The following KDSR variants were observed in gnomAD, a reference collection of about 807,000 sequenced individuals.
KDSR encodes the protein 3-ketodihydrosphingosine reductase, also known as 3-dehydrosphinganine reductase.
KDSR carries 23 observed loss-of-function variants against 41.3 expected under a neutral mutation model. That is an observed-to-expected ratio of 0.56 (90% CI 0.40 to 0.79). The LOEUF (loss-of-function observed/expected upper bound fraction) is 0.79, where lower values mean the gene tolerates loss of function less well. KDSR is among the 30% of genes least tolerant of loss of function. KDSR has a pLI of 0.00. For missense variants in KDSR, 351 were observed against 416.8 expected (o/e 0.84, Z 1.37); for synonymous variants, 138 against 151.7 (o/e 0.91, Z 0.66).
At chr18:63,342,502 A>G (rs865948563) in intron 7 of KDSR, among the ~76,000 whole-genome samples, 1 of 152,240 alleles carries the variant, frequency 6.6e-6, no homozygotes, top group Non-Finnish European at 1.5e-5. Context: ...CACATGGATC[A>G]AAAGGAGAAT....
chr18:63,363,005 C>A, intron 1 of KDSR, 137 bp from the exon 2 acceptor site: 1 of 607,974 alleles, frequency 1.6e-6, no homozygotes, highest in South Asian at 2.1e-5. Flanking sequence ...CTTCTTCATC[C>A]CAAACTTAAT....
At chr18:63,350,320 T>C (rs1003353458) in intron 6 of KDSR, among the ~76,000 whole-genome samples, 2 of 152,214 alleles carry the variant, frequency 1.3e-5, no homozygotes, top group Non-Finnish European at 2.9e-5. Flanking sequence ...CCATTAACTA[T>C]GTAAATAAAA....
intron 6 of KDSR, chr18:63,345,075 G>A (rs1016902976): frequency 6.6e-6 from 1 of 152,464 alleles, no homozygotes; most frequent in Non-Finnish European, 1.5e-5. Flanking sequence ...CTGTATAACC[G>A]GCCTCTGCAC....
chr18:63,363,491 G>A (rs1006475277), intron 1 of KDSR, among the ~76,000 whole-genome samples: 3 of 144,296 alleles, frequency 2.1e-5, no homozygotes, highest in Non-Finnish European at 3.0e-5. Context: ...TTGTTCTTGC[G>A]ATAGTTTACT....
At chr18:63,354,942 A>G (rs939774867) in intron 5 of KDSR, among the ~76,000 whole-genome samples, 5 of 152,206 alleles carry the variant, frequency 3.3e-5, no homozygotes, top group Non-Finnish European at 4.4e-5. Flanking sequence ...CTGCTACAGT[A>G]ATCTGTGTCA....
At chr18:63,359,870 CAATT>C in intron 2 of KDSR, 78 bp from the exon 3 acceptor site, 1 of 970,188 alleles carries the variant, frequency 1.0e-6, no homozygotes, top group Non-Finnish European at 1.7e-6. Flanking sequence ...AGAAAAAAAG[CAATT>C]ATTTCTATAT....
At chr18:63,336,593 T>C (rs2144349790) in intron 8 of KDSR, among the ~76,000 whole-genome samples, 1 of 152,332 alleles carries the variant, frequency 6.6e-6, no homozygotes, top group South Asian at 2.1e-4. Context: ...ATTTTTCTGA[T>C]CACTCAGTCA....
intron 3 of KDSR, among the ~76,000 whole-genome samples, chr18:63,356,890 T>C (rs942754689): frequency 1.3e-5 from 2 of 152,198 alleles, no homozygotes; most frequent in Non-Finnish European, 2.9e-5. Context: ...ACCACAGTCT[T>C]AGAGAAAAAC....
At chr18:63,331,986 A>G (rs1914017926) in intron 9 of KDSR, 85 bp from the exon 10 acceptor site, 2 of 1,396,538 alleles carry the variant, frequency 1.4e-6, no homozygotes, top group Non-Finnish European at 2.0e-6. Context: ...ACAGTTTCTA[A>G]GACAAATCTT....
In KDSR at chr18:63,331,517, G is replaced by A. The variant is rs948423233; in HGVS notation, c.*265C>T. 4 of 298,588 alleles carry A rather than the reference G, an allele frequency of 1.3e-5. No individual in the cohort carries two copies. Among genetic ancestry groups the A allele is most frequent in the East Asian group, 1.0e-4 (2 of 20,016 alleles). 18.5% of individuals were successfully genotyped at this position (298,588 alleles called of 1,614,324 possible). A position where few individuals can be genotyped will look rare whatever the true frequency, so the allele number is the denominator to read the frequency against. Reference sequence around the variant, plus strand: ...ATCCTGTTCTTTACTTTGTTCACACGCTATTAATTCTCATACCTTCACCTC... The same window carrying A: ...ATCCTGTTCTTTACTTTGTTCACACACTATTAATTCTCATACCTTCACCTC... On this transcript the variant is annotated 3_prime_UTR_variant, in exon 10 of 10. Coordinates refer to ENST00000645214, the MANE Select transcript of KDSR (RefSeq NM_002035.4).
At chr18:63,344,716 G>A (rs548757508) in intron 6 of KDSR, 3 of 442,434 alleles carry the variant, frequency 6.8e-6, no homozygotes, top group Non-Finnish European at 1.2e-5. Flanking sequence ...AAAACAGCTG[G>A]CCCTAAAGTA....
intron 3 of KDSR, among the ~76,000 whole-genome samples, chr18:63,357,680 G>A (rs1914840728): frequency 6.7e-6 from 1 of 149,632 alleles, no homozygotes; most frequent in African/African-American, 2.5e-5. Flanking sequence ...TTGCCTCCCA[G>A]ATCCAAGTGA....
At chr18:63,342,241 C>T (rs1014741381) in intron 7 of KDSR, among the ~76,000 whole-genome samples, 5 of 150,926 alleles carry the variant, frequency 3.3e-5, no homozygotes, top group African/African-American at 1.2e-4. Context: ...AACAATATTA[C>T]CTCTGATGTG....
chr18:63,336,028 T>A (rs1914146145), intron 8 of KDSR: 1 of 152,250 alleles, frequency 6.6e-6, no homozygotes, highest in Non-Finnish European at 1.5e-5. Flanking sequence ...GCATCATTTG[T>A]ATTGTTTATT....
chr18:63,338,784 C>G lies in KDSR; in HGVS notation c.777+16G>C. ...CTACAAACACAAATAGTACAGAAAA[C>G]AAGGATTTTACTTACTATGGCATCT... On this transcript the variant is annotated intron_variant, in intron 8 of 9. Coordinates refer to ENST00000645214, the MANE Select transcript of KDSR (RefSeq NM_002035.4). The G allele has an allele frequency of 6.5e-7, 1 of 1,533,116 alleles. No homozygotes were observed. Among genetic ancestry groups the G allele is most frequent in the Non-Finnish European group, 9.0e-7 (1 of 1,110,818 alleles). The allele number at this position is 1,533,116 out of a possible 1,614,324, so 95.0% of individuals were successfully genotyped here.
chr18:63,329,502 A>G lies in KDSR; in HGVS notation c.*2280T>C, dbSNP rs972685335. 6 of 204,760 alleles carry G rather than the reference A, an allele frequency of 2.9e-5. No individual in the cohort carries two copies. The East Asian group carries it at 4.5e-4, about 15-fold the overall frequency. 12.7% of individuals were successfully genotyped at this position (204,760 alleles called of 1,614,324 possible). A position where few individuals can be genotyped will look rare whatever the true frequency, so the allele number is the denominator to read the frequency against. ...GATTTCGAAGTTTCTTTGCTAAGGG[A>G]CTGTAGCCCTTTAACATCTCTGACA... On this transcript the variant is annotated 3_prime_UTR_variant, in exon 10 of 10. Transcript: ENST00000645214.
chr18:63,363,252 G>T, intron 1 of KDSR, among the ~76,000 whole-genome samples: 1 of 137,608 alleles, frequency 7.3e-6, no homozygotes. Context: ...CTAAGTTTTA[G>T]GGTACATGTG....
At chr18:63,333,473 C>G (rs111986062) in intron 9 of KDSR, among the ~76,000 whole-genome samples, 5 of 152,170 alleles carry the variant, frequency 3.3e-5, no homozygotes, top group African/African-American at 9.7e-5. Context: ...TTAGAAACAA[C>G]TGGTGTGGAA....
At chr18:63,350,599 C>A (rs1363093975) in intron 6 of KDSR, among the ~76,000 whole-genome samples, 1 of 152,188 alleles carries the variant, frequency 6.6e-6, no homozygotes, top group Non-Finnish European at 1.5e-5. Context: ...TACTCACATT[C>A]ACACAGTATT....
Sources: gnomAD v4.1 joint callset for allele counts (sites outside exome capture counted in the v4.1 genomes callset) on GRCh38, gnomAD v4.1.1 for gene constraint, MANE v1.5 for transcripts, NCBI Gene and HGNC (gene_info 2026-07-23, HGNC 2026-07-21) for gene names.